SULT1C2: variants seen among roughly 807,000 people sequenced by gnomAD.
SULT1C2 encodes sulfotransferase family 1C member 2.
A neutral mutation model predicts 36.0 loss-of-function variants in SULT1C2; 27 were observed. The ratio of observed to expected loss-of-function variants is 0.75; its 90% CI spans 0.55 to 1.03. SULT1C2 has a LOEUF of 1.03. SULT1C2 is among the 50% of genes least tolerant of loss of function. SULT1C2 has a pLI of 0.00. For missense variants in SULT1C2, 395 were observed against 359.2 expected (o/e 1.10, Z -0.80); for synonymous variants, 121 against 116.0 (o/e 1.04, Z -0.27).
intron 6 of SULT1C2, 64 bp from the exon 7 acceptor site, chr2:108,305,351 G>C: frequency 6.2e-7 from 1 of 1,608,602 alleles, no homozygotes; most frequent in Non-Finnish European, 8.5e-7. Context: ...GGACATCCCA[G>C]AGAATTGTAG....
intron 4 of SULT1C2, chr2:108,304,367 A>T: frequency 2.2e-6 from 1 of 462,944 alleles, no homozygotes. Context: ...TTAGCTAATT[A>T]AAAGGACTGA....
chr2:108,308,408 G>T lies in SULT1C2; in HGVS notation c.835G>T (p.Glu279Ter), dbSNP rs1677074668. 6.2e-7 allele frequency: 1 copy of T among 1,613,284 alleles called. No homozygotes were observed. Among genetic ancestry groups the T allele is most frequent in the African/African-American group, 1.3e-5 (1 of 74,894 alleles). Reference sequence around the variant, plus strand: ...TGTTGCCCAGAATGAGAGGTTTGATGAAATCTATAGAAGAAAGATGGAAGG... The same window carrying T: ...TGTTGCCCAGAATGAGAGGTTTGATTAAATCTATAGAAGAAAGATGGAAGG... ...FTVAQNERFD[E>*]IYRRKMEGTS... is the part of the protein sequence containing the mutation. The change falls in exon 8 of 8, where the codon GAA (glutamate) becomes TAA (stop). Residue 279 changes from glutamate to a stop codon, truncating the protein, a stop_gained. Coordinates refer to ENST00000251481, the MANE Select transcript of SULT1C2 (RefSeq NM_001056.4). LOFTEE classifies it low-confidence loss of function (END_TRUNC).
chr2:108,304,809 T>G (rs1436095824), intron 5 of SULT1C2, 109 bp downstream of exon 5: 1 of 1,445,186 alleles, frequency 6.9e-7, no homozygotes, highest in Admixed American at 2.2e-5. Flanking sequence ...ATCAGGTGTG[T>G]CCTACCACAG....
At chr2:108,307,248 A>C (rs1677047784) in intron 7 of SULT1C2, among the ~76,000 whole-genome samples, 1 of 152,342 alleles carries the variant, frequency 6.6e-6, no homozygotes, top group East Asian at 1.9e-4. Flanking sequence ...CTTCAGGCTC[A>C]TACATAACCA....
rs771946932 is a variant in SULT1C2 at position 108,305,251 on chromosome 2, T to C, written c.582T>C (p.Tyr194=). The C allele has an allele frequency of 3.7e-6, 6 of 1,614,118 alleles. No homozygotes were observed. The highest frequency in any genetic ancestry group is 4.2e-6 in the Non-Finnish European group (5 of 1,179,976). Residue 194 remains tyrosine, a synonymous_variant, in exon 6 of 8, where the codon TAT becomes TAC. Transcript: ENST00000251481. ...GACACCAGATTCTCTTCCTCTTCTA[T>C]GAGGACATAAAGAGGGTGAGTGAAG... ...KDRHQILFLF[Y]EDIKRDPKHE...
Position 108,300,923 on chromosome 2 carries a change from A to C in SULT1C2, c.363A>C (p.Glu121Asp). Residue 121 changes from glutamate to aspartate, a missense_variant, in exon 4 of 8, where the codon GAA becomes GAC. By Grantham distance (45) the Glu-to-Asp change is conservative. Coordinates refer to ENST00000251481, the MANE Select transcript of SULT1C2 (RefSeq NM_001056.4). The part of the protein sequence containing the change: ...STQLLPPSFW[E>D]NNCKFLYVAR... ...AGCTGCTGCCACCGTCTTTCTGGGAAAACAACTGCAAGGTAAGATACCAAC... is the reference window on the plus strand; with the variant it reads ...AGCTGCTGCCACCGTCTTTCTGGGACAACAACTGCAAGGTAAGATACCAAC... 6.2e-7 allele frequency: 1 copy of C among 1,614,164 alleles called. No individual in the cohort carries two copies. The highest frequency in any genetic ancestry group is 2.2e-5 in the East Asian group (1 of 44,894).
At chr2:108,305,136 C>G in intron 5 of SULT1C2, 36 bp from the exon 6 acceptor site, 1 of 1,610,510 alleles carries the variant, frequency 6.2e-7, no homozygotes. Flanking sequence ...TGTGTGATGC[C>G]TATGTAGACT....
intron 3 of SULT1C2, among the ~76,000 whole-genome samples, chr2:108,294,661 C>A (rs1027561102): frequency 6.6e-6 from 1 of 152,082 alleles, no homozygotes; most frequent in African/African-American, 2.4e-5. Flanking sequence ...AACTGTAGAT[C>A]ACATTGAAGA....
rs995277245 is a variant in SULT1C2, at chr2:108,309,527, T to A, written c.*1063T>A. On this transcript the variant is annotated 3_prime_UTR_variant, in exon 8 of 8. Transcript: ENST00000251481. ...TTTAGTCCCAAATAGTGGCATTCCA[T>A]AGCTGAGGGTAGTAGGAGCAGTTCA... 6 of 152,158 alleles carry A rather than the reference T, an allele frequency of 3.9e-5. No individual in the cohort carries two copies. The highest frequency in any genetic ancestry group is 2.0e-4 in the Admixed American group (3 of 15,272). 9.4% of individuals were successfully genotyped at this position (152,158 alleles called of 1,614,324 possible).
At position 108,293,772 on chromosome 2, in the gene SULT1C2, C is replaced by T. The variant is rs752768161; in HGVS notation, c.105C>T (p.Phe35=). 7 of 1,614,080 alleles carry T rather than the reference C, an allele frequency of 4.3e-6. No individual in the cohort carries two copies. The highest frequency in any genetic ancestry group is 1.7e-5 in the Admixed American group (1 of 60,030). ...TVDNWSQIQS[F]EAKPDDLLIC... is the part of the protein sequence containing the mutation. ...ACAACTGGAGCCAGATCCAGAGCTTCGAGGCCAAACCAGATGATCTCCTCA... is the reference window on the plus strand; with the variant it reads ...ACAACTGGAGCCAGATCCAGAGCTTTGAGGCCAAACCAGATGATCTCCTCA... Residue 35 remains phenylalanine (F), a synonymous_variant, in exon 2 of 8, where the codon TTC becomes TTT. Coordinates refer to ENST00000251481, the MANE Select transcript of SULT1C2 (RefSeq NM_001056.4).
Position 108,305,578 on chromosome 2 carries a change from C to T in SULT1C2, c.761C>T (p.Ser254Phe). 4 of 1,614,184 alleles carry T rather than the reference C, an allele frequency of 2.5e-6. No homozygotes were observed. Among genetic ancestry groups the T allele is most frequent in the Non-Finnish European group, 3.4e-6 (4 of 1,180,032 alleles). ...VSKSILDQSI[S>F]SFMRKGTVGD... ...AAATCTATCTTGGACCAGTCAATTT[C>T]CTCCTTCATGAGAAAAGGTGTGTGG... The change falls in exon 7 of 8, where the codon TCC becomes TTC. Residue 254 changes from serine to phenylalanine, a missense_variant. Ser to Phe is a radical substitution (Grantham distance 155). Transcript: ENST00000251481.
chr2:108,293,971 G>A (rs55932004), intron 2 of SULT1C2, among the ~76,000 whole-genome samples, 153 bp downstream of exon 2: 1,875 of 152,284 alleles, frequency 0.012, 15 homozygotes, highest in Middle Eastern at 0.041. Flanking sequence ...CCTGATATCC[G>A]AGTTTTCCAG....
intron 4 of SULT1C2, chr2:108,303,098 G>T (rs1358773949): frequency 1.3e-5 from 2 of 152,254 alleles, no homozygotes; most frequent in Non-Finnish European, 2.9e-5. Flanking sequence ...TGGCAGCTTG[G>T]TAAGTTGGAG....
chr2:108,293,799 C>T lies in SULT1C2; in HGVS notation c.132C>T (p.Ile44=), dbSNP rs17838479. Residue 44 remains isoleucine, a synonymous_variant, in exon 2 of 8, where the codon ATC becomes ATT. Transcript: ENST00000251481. ...AGGCCAAACCAGATGATCTCCTCAT[C>T]TGCACCTACCCTAAAGCAGGTGATT... is the stretch of plus-strand genomic sequence containing the variant. ...SFEAKPDDLL[I]CTYPKAGTTW... is the part of the protein sequence containing the mutation. 1,257 of 1,614,068 alleles carry T rather than the reference C, an allele frequency of 7.8e-4. 7 individuals are homozygous for T. In the African/African-American group the frequency reaches 0.015, roughly 20 times the overall value.
chr2:108,302,367 AG>A (rs1413923207), intron 4 of SULT1C2: 7 of 152,226 alleles, frequency 4.6e-5, no homozygotes, highest in Admixed American at 4.6e-4. Flanking sequence ...GCCTTGACCT[AG>A]GCGCTCAGCT....
intron 7 of SULT1C2, among the ~76,000 whole-genome samples, chr2:108,305,830 G>A (rs766819168): frequency 6.6e-6 from 1 of 152,172 alleles, no homozygotes; most frequent in Non-Finnish European, 1.5e-5. Context: ...CAAAGAAAGG[G>A]GCTTACTGTG....
intron 5 of SULT1C2, among the ~76,000 whole-genome samples, 199 bp downstream of exon 5, chr2:108,304,899 CT>C (rs1477504233): frequency 6.6e-6 from 1 of 152,200 alleles, no homozygotes; most frequent in Non-Finnish European, 1.5e-5. Context: ...GATTCAGAGT[CT>C]TTAATTACAG....
Position 108,294,276 on chromosome 2 carries a change from G to A in SULT1C2, c.199G>A (p.Asp67Asn), listed in dbSNP as rs932569160. The stretch of plus-strand genomic sequence containing the variant: ...TGTGGATATGATTGAACAGAATGGG[G>A]ACGTGGAGAAGTGCCAGCGAGCCAT... ...EIVDMIEQNG[D>N]VEKCQRAIIQ... is the part of the protein sequence containing the mutation. Residue 67 changes from aspartate (D) to asparagine (N), a missense_variant, in exon 3 of 8, where the codon GAC becomes AAC. Transcript: ENST00000251481. 2 of 1,614,032 alleles carry A rather than the reference G, an allele frequency of 1.2e-6. No individual in the cohort carries two copies. The highest frequency in any genetic ancestry group is 1.3e-5 in the African/African-American group (1 of 74,922).
At position 108,293,787 on chromosome 2, in the gene SULT1C2, T is replaced by C. The variant is rs1362130934; in HGVS notation, c.120T>C (p.Asp40=). The C allele has an allele frequency of 1.9e-6, 3 of 1,613,948 alleles. No homozygotes were observed. The highest frequency in any genetic ancestry group is 2.7e-5 in the African/African-American group (2 of 74,914). Residue 40 remains aspartate, a synonymous_variant, in exon 2 of 8, where the codon GAT becomes GAC. Coordinates refer to ENST00000251481, the MANE Select transcript of SULT1C2 (RefSeq NM_001056.4). The part of the protein sequence containing the change: ...SQIQSFEAKP[D]DLLICTYPKA... ...TCCAGAGCTTCGAGGCCAAACCAGA[T>C]GATCTCCTCATCTGCACCTACCCTA...
Sources: allele counts gnomAD v4.1 joint callset (sites outside exome capture counted in the v4.1 genomes callset), GRCh38; gene constraint gnomAD v4.1.1; transcripts MANE v1.5; gene names NCBI Gene and HGNC (gene_info 2026-07-23, HGNC 2026-07-21).